Variants in KCNQ5 observed in about 807,000 individuals in gnomAD.
KCNQ5 encodes the protein potassium voltage-gated channel subfamily Q member 5.
In KCNQ5, 30 loss-of-function variants were observed where a neutral mutation model predicts 98.2. That is an observed-to-expected ratio of 0.31 (90% CI 0.23 to 0.41). The LOEUF is 0.41. Ranked by LOEUF, KCNQ5 falls within the 10% of genes least tolerant of loss-of-function variation. The probability of loss-of-function intolerance (pLI) is 1.00; values close to 1 mark genes in which losing one functional copy is unlikely to be tolerated. For synonymous variants in KCNQ5, 458 were observed against 449.4 expected, an observed-to-expected ratio of 1.02 and a Z score of -0.24; for missense variants, 835 against 1,182.5, an observed-to-expected ratio of 0.71 and a Z score of 4.31.
chr6:73,063,117 G>A (rs575774406), intron 3 of KCNQ5, among the ~76,000 whole-genome samples: 72 of 152,216 alleles, frequency 4.7e-4, no homozygotes, highest in African/African-American at 1.7e-3. Flanking sequence ...TATTGAACTC[G>A]ATTAGGCCAT....
At chr6:73,133,005 G>A (rs1459615361) in intron 9 of KCNQ5, among the ~76,000 whole-genome samples, 1 of 152,200 alleles carries the variant, frequency 6.6e-6, no homozygotes, top group Non-Finnish European at 1.5e-5. Context: ...CTGTTTACCT[G>A]TAGAAATGTC....
At chr6:72,846,749 A>T (rs1777040319) in intron 1 of KCNQ5, among the ~76,000 whole-genome samples, 1 of 152,186 alleles carries the variant, frequency 6.6e-6, no homozygotes, top group Non-Finnish European at 1.5e-5. Context: ...TTTGGCTGTT[A>T]AAAGTGTCAA....
chr6:72,695,015 CTA>C (rs1294393692), intron 1 of KCNQ5, among the ~76,000 whole-genome samples: 1 of 152,140 alleles, frequency 6.6e-6, no homozygotes, highest in Non-Finnish European at 1.5e-5. Context: ...CCAGCTGCAT[CTA>C]TATTGCTGCA....
At chr6:72,662,837 T>C (rs887136603) in intron 1 of KCNQ5, among the ~76,000 whole-genome samples, 1 of 152,194 alleles carries the variant, frequency 6.6e-6, no homozygotes, top group African/African-American at 2.4e-5. Flanking sequence ...ACAAATATAA[T>C]GATCTAGAAT....
At chr6:73,044,483 T>C (rs1421015600) in intron 3 of KCNQ5, among the ~76,000 whole-genome samples, 1 of 152,228 alleles carries the variant, frequency 6.6e-6, no homozygotes, top group African/African-American at 2.4e-5. Flanking sequence ...TTTAGTCTTT[T>C]ATTAAATGTA....
intron 1 of KCNQ5, among the ~76,000 whole-genome samples, chr6:72,800,876 G>A (rs377567301): frequency 2.5e-4 from 38 of 152,040 alleles, no homozygotes; most frequent in East Asian, 1.4e-3. Flanking sequence ...CCTTCATTTC[G>A]TTATGTACCC....
At chr6:72,751,478 A>G (rs1285021052) in intron 1 of KCNQ5, among the ~76,000 whole-genome samples, 1 of 152,066 alleles carries the variant, frequency 6.6e-6, no homozygotes, top group Non-Finnish European at 1.5e-5. Flanking sequence ...GTTCATTATT[A>G]AAAAGGAGAA....
intron 1 of KCNQ5, among the ~76,000 whole-genome samples, chr6:72,926,037 CAG>C (rs901810635): frequency 2.0e-5 from 3 of 152,136 alleles, no homozygotes; most frequent in Non-Finnish European, 4.4e-5. Flanking sequence ...AGAAAAATAG[CAG>C]AGAGCCAGAA....
rs539941199 is a variant in KCNQ5 at position 72,679,992 on chromosome 6, C to T, written c.398+57405C>T. Reference sequence around the variant, plus strand: ...GACAGAGGTTGCAGTGAGCCAAGATCGTGCCACTGCACTCCAGCCTGGGCT... The same window carrying T: ...GACAGAGGTTGCAGTGAGCCAAGATTGTGCCACTGCACTCCAGCCTGGGCT... On this transcript the variant is annotated intron_variant, in intron 1 of 13. Transcript: ENST00000370398. Among the ~76,000 whole-genome samples the T allele has an allele frequency of 3.3e-5, 5 of 152,256 alleles. No homozygotes were observed. In the South Asian group the frequency reaches 8.3e-4, roughly 25 times the overall value.
intron 3 of KCNQ5, among the ~76,000 whole-genome samples, chr6:73,044,613 A>C (rs866404873): frequency 9.2e-5 from 14 of 152,312 alleles, no homozygotes; most frequent in South Asian, 2.1e-4. Flanking sequence ...CACCTTCCTG[A>C]AGGCAGCAAG....
intron 5 of KCNQ5, among the ~76,000 whole-genome samples, chr6:73,089,861 G>A (rs1485170958): frequency 3.3e-5 from 5 of 152,102 alleles, no homozygotes; most frequent in South Asian, 2.1e-4. Flanking sequence ...TGTGAATTGC[G>A]CTGCTATAAA....
intron 3 of KCNQ5, among the ~76,000 whole-genome samples, chr6:73,076,567 C>G (rs1773550663): frequency 6.6e-6 from 1 of 152,056 alleles, no homozygotes; most frequent in African/African-American, 2.4e-5. Flanking sequence ...TTTTTTCAGC[C>G]TAATGTCAAT....
chr6:72,907,371 T>C (rs1040744167), intron 1 of KCNQ5, among the ~76,000 whole-genome samples: 5 of 152,182 alleles, frequency 3.3e-5, no homozygotes, highest in African/African-American at 9.7e-5. Context: ...CTATAACTAA[T>C]CATTTATATT....
chr6:72,937,865 A>T (rs1399232811), intron 1 of KCNQ5, among the ~76,000 whole-genome samples: 1 of 152,120 alleles, frequency 6.6e-6, no homozygotes, highest in Non-Finnish European at 1.5e-5. Context: ...ATTTATGTAG[A>T]CCCCAAGTTT....
chr6:72,900,289 C>T lies in KCNQ5; in HGVS notation c.399-103619C>T, dbSNP rs575267987. On this transcript the variant is annotated intron_variant, in intron 1 of 13. Coordinates refer to ENST00000370398, the MANE Select transcript of KCNQ5 (RefSeq NM_019842.4). ...TCACTGTGAATGCCGTGAATTCATT[C>T]CTTCTTATGTCTGAGTACATATATA... Among the ~76,000 whole-genome samples, 3 of 150,984 alleles carry T rather than the reference C, an allele frequency of 2.0e-5. No individual in the cohort carries two copies. The South Asian group carries it at 6.3e-4, about 31-fold the overall frequency.
Position 73,196,572 on chromosome 6 carries a change from A to G in KCNQ5, c.*1158A>G, listed in dbSNP as rs1765798208. On this transcript the variant is annotated 3_prime_UTR_variant, in exon 14 of 14. Transcript: ENST00000370398. Reference sequence around the variant, plus strand: ...AGCAGAGAATTTTTGCAAGGTATTTATTTTTTAATATGCCCTGAATGTCTT... The same window carrying G: ...AGCAGAGAATTTTTGCAAGGTATTTGTTTTTTAATATGCCCTGAATGTCTT... 1 of 152,166 alleles carries G rather than the reference A, an allele frequency of 6.6e-6. No homozygotes were observed. The highest frequency in any genetic ancestry group is 2.1e-4 in the South Asian group (1 of 4,822). 9.4% of individuals were successfully genotyped at this position (152,166 alleles called of 1,614,324 possible). A position where few individuals can be genotyped will look rare whatever the true frequency, so the allele number is the denominator to read the frequency against.
intron 1 of KCNQ5, among the ~76,000 whole-genome samples, chr6:72,984,490 G>A (rs1317883946): frequency 6.6e-6 from 1 of 152,214 alleles, no homozygotes; most frequent in Non-Finnish European, 1.5e-5. Context: ...AGTGAGCAAG[G>A]CTCCATAGGC....
At chr6:72,894,922 A>G (rs1442049128) in intron 1 of KCNQ5, among the ~76,000 whole-genome samples, 3 of 152,026 alleles carry the variant, frequency 2.0e-5, no homozygotes, top group Non-Finnish European at 4.4e-5. Context: ...ATTTGAGTGC[A>G]GTAATTATTA....
intron 1 of KCNQ5, among the ~76,000 whole-genome samples, chr6:72,927,668 C>T (rs567300592): frequency 1.1e-4 from 16 of 152,056 alleles, no homozygotes; most frequent in African/African-American, 3.4e-4. Context: ...ATATGAATAC[C>T]AGCTCAACCA....
Sources: gnomAD v4.1 joint callset for allele counts (sites outside exome capture counted in the v4.1 genomes callset) on GRCh38, gnomAD v4.1.1 for gene constraint, MANE v1.5 for transcripts, NCBI Gene and HGNC (gene_info 2026-07-23, HGNC 2026-07-21) for gene names.